ZFHX4: variants seen among roughly 807,000 people sequenced by gnomAD.
ZFHX4 encodes zinc finger homeobox 4.
Under a neutral mutation model 267.6 loss-of-function variants are expected in ZFHX4, and 56 were observed. That is an observed-to-expected ratio of 0.21 (90% CI 0.17 to 0.26). The LOEUF (loss-of-function observed/expected upper bound fraction) is 0.26. ZFHX4 is among the 10% of genes least tolerant of loss of function. The pLI is 1.00. For synonymous variants in ZFHX4, 1,778 were observed against 1,665.6 expected, an observed-to-expected ratio of 1.07 and a Z score of -1.64; for missense variants, 4,332 against 4,420.0, an observed-to-expected ratio of 0.98 and a Z score of 0.56.
At chr8:76,824,531 A>C (rs576089489) in intron 4 of ZFHX4, among the ~76,000 whole-genome samples, 1 of 152,300 alleles carries the variant, frequency 6.6e-6, no homozygotes, top group South Asian at 2.1e-4. Context: ...TATTACTACC[A>C]GTCCTTCAAA....
chr8:76,786,595 A>C, intron 4 of ZFHX4, among the ~76,000 whole-genome samples: 1 of 152,160 alleles, frequency 6.6e-6, no homozygotes, highest in African/African-American at 2.4e-5. Flanking sequence ...GTGTGTACCA[A>C]GTTTTGGTTT....
chr8:76,810,991 T>C (rs1220361400), intron 4 of ZFHX4, among the ~76,000 whole-genome samples: 1 of 152,176 alleles, frequency 6.6e-6, no homozygotes, highest in East Asian at 1.9e-4. Context: ...CATCTCTGAA[T>C]GAGCCCGACG....
intron 6 of ZFHX4, among the ~76,000 whole-genome samples, chr8:76,848,263 G>A (rs1407058368): frequency 6.6e-6 from 1 of 152,122 alleles, no homozygotes; most frequent in East Asian, 1.9e-4. Context: ...GTTAGATTGG[G>A]AAATTAGAAT....
chr8:76,707,468 G>T lies in ZFHX4; in HGVS notation c.2591-78G>T, dbSNP rs1006650253. 6.8e-6 allele frequency: 9 copies of T among 1,316,308 alleles called. No homozygotes were observed. In the African/African-American group the frequency reaches 1.2e-4, roughly 17 times the overall value. The allele number at this position is 1,316,308 out of a possible 1,614,324, so 81.5% of individuals were successfully genotyped here. A position where few individuals can be genotyped will look rare whatever the true frequency, so the allele number is the denominator to read the frequency against. On this transcript the variant is annotated intron_variant, in intron 2 of 10. Transcript: ENST00000651372. ...CTAGAGAAAGCACATTCCTTGTCAAGACTTTATTTTACAGATTCCTTTGTG... is the reference window on the plus strand; with the variant it reads ...CTAGAGAAAGCACATTCCTTGTCAATACTTTATTTTACAGATTCCTTTGTG...
chr8:76,708,637 G>A (rs947235650), intron 3 of ZFHX4, among the ~76,000 whole-genome samples: 1 of 151,972 alleles, frequency 6.6e-6, no homozygotes, highest in Admixed American at 6.6e-5. Flanking sequence ...CTCCTAAATG[G>A]GTGTGGTATA....
At chr8:76,754,572 T>A (rs909581696) in intron 3 of ZFHX4, among the ~76,000 whole-genome samples, 1 of 152,284 alleles carries the variant, frequency 6.6e-6, no homozygotes, top group South Asian at 2.1e-4. Flanking sequence ...CTTTAGTTTA[T>A]AGATAATAAT....
At chr8:76,743,589 G>C (rs1446827753) in intron 3 of ZFHX4, among the ~76,000 whole-genome samples, 1 of 152,172 alleles carries the variant, frequency 6.6e-6, no homozygotes, top group African/African-American at 2.4e-5. Flanking sequence ...ATCTGGTAAA[G>C]GAGCTTAAGT....
intron 4 of ZFHX4, among the ~76,000 whole-genome samples, chr8:76,832,343 A>G (rs1044928267): frequency 2.0e-5 from 3 of 152,038 alleles, no homozygotes; most frequent in African/African-American, 7.2e-5. Flanking sequence ...TACTGTTACT[A>G]TTTACATAAT....
At chr8:76,724,556 A>G (rs1808804328) in intron 3 of ZFHX4, among the ~76,000 whole-genome samples, 1 of 152,120 alleles carries the variant, frequency 6.6e-6, no homozygotes, top group South Asian at 2.1e-4. Flanking sequence ...CCCTTTCTGT[A>G]CAAAAGAGCC....
chr8:76,691,796 G>T (rs1013555983), intron 1 of ZFHX4, among the ~76,000 whole-genome samples: 3 of 152,050 alleles, frequency 2.0e-5, no homozygotes, highest in African/African-American at 7.2e-5. Context: ...GTGATTGTGG[G>T]CAGGACCTGA....
chr8:76,683,023 G>A (rs78682382), intron 1 of ZFHX4: 5,523 of 152,184 alleles, frequency 0.036, 126 homozygotes, highest in East Asian at 0.1. Flanking sequence ...CCTAGAAGAC[G>A]GTGCACTGGT....
At chr8:76,729,716 G>A (rs1808947746) in intron 3 of ZFHX4, among the ~76,000 whole-genome samples, 1 of 152,042 alleles carries the variant, frequency 6.6e-6, no homozygotes, top group South Asian at 2.1e-4. Context: ...AAATTCTATT[G>A]CATCAGCATG....
Position 76,788,745 on chromosome 8 carries a change from A to G in ZFHX4, c.3325+10306A>G, listed in dbSNP as rs574042987. On this transcript the variant is annotated intron_variant, in intron 4 of 10. Transcript: ENST00000651372. ...ATACAATATCAAACCAAATAATTGC[A>G]TTTTGTTATAAAGAGCCAGGTTTTT... Among the ~76,000 whole-genome samples, 5 of 152,326 alleles carry G rather than the reference A, an allele frequency of 3.3e-5. No individual in the cohort carries two copies. In the South Asian group the frequency reaches 6.2e-4, roughly 19 times the overall value.
At chr8:76,692,779 G>T (rs1296989783) in intron 1 of ZFHX4, among the ~76,000 whole-genome samples, 1 of 151,830 alleles carries the variant, frequency 6.6e-6, no homozygotes, top group East Asian at 1.9e-4. Flanking sequence ...AATTTTATGG[G>T]AAATCTAAGT....
At chr8:76,695,410 G>A (rs187775171) in intron 1 of ZFHX4, among the ~76,000 whole-genome samples, 1 of 152,120 alleles carries the variant, frequency 6.6e-6, no homozygotes, top group Non-Finnish European at 1.5e-5. Context: ...GATAATATTG[G>A]AGTACACAAA....
At chr8:76,724,348 T>G (rs961805297) in intron 3 of ZFHX4, among the ~76,000 whole-genome samples, 1 of 152,016 alleles carries the variant, frequency 6.6e-6, no homozygotes, top group Non-Finnish European at 1.5e-5. Context: ...TGTCGCCTGC[T>G]CTTCTCTGTG....
At chr8:76,759,837 G>A (rs946327985) in intron 3 of ZFHX4, among the ~76,000 whole-genome samples, 1 of 152,034 alleles carries the variant, frequency 6.6e-6, no homozygotes, top group Non-Finnish European at 1.5e-5. Context: ...AATGAAGTGG[G>A]ATGTAAATAA....
At chr8:76,715,198 A>G (rs1279804643) in intron 3 of ZFHX4, among the ~76,000 whole-genome samples, 2 of 152,202 alleles carry the variant, frequency 1.3e-5, no homozygotes, top group African/African-American at 4.8e-5. Context: ...AAAACCACAT[A>G]ATAAAGAATG....
chr8:76,835,605 A>C (rs1055679339), intron 5 of ZFHX4, among the ~76,000 whole-genome samples: 2 of 152,048 alleles, frequency 1.3e-5, no homozygotes, highest in Admixed American at 1.3e-4. Flanking sequence ...TTACCTATGC[A>C]TGTCTCATCA....
Sources: gnomAD v4.1 joint callset for allele counts (sites outside exome capture counted in the v4.1 genomes callset) on GRCh38, gnomAD v4.1.1 for gene constraint, MANE v1.5 for transcripts, NCBI Gene and HGNC (gene_info 2026-07-23, HGNC 2026-07-21) for gene names.